Variants in RNF180 observed in about 807,000 individuals in gnomAD.
RNF180 encodes the protein E3 ubiquitin-protein ligase RNF180.
In RNF180, 38 loss-of-function variants were observed where a neutral mutation model predicts 59.2. That is an observed-to-expected ratio of 0.64 (90% CI 0.50 to 0.84). RNF180 has a LOEUF of 0.84. RNF180 is among the 40% of genes least tolerant of loss of function. The pLI, the probability that RNF180 is intolerant of heterozygous loss-of-function variation, is 0.00. For synonymous variants in RNF180, 262 were observed against 240.3 expected, an observed-to-expected ratio of 1.09 and a Z score of -0.84; for missense variants, 705 against 700.9, an observed-to-expected ratio of 1.01 and a Z score of -0.07.
chr5:64,332,548 G>A (rs1744952292), intron 7 of RNF180, among the ~76,000 whole-genome samples: 1 of 152,068 alleles, frequency 6.6e-6, no homozygotes, highest in African/African-American at 2.4e-5. Flanking sequence ...AACTAATATA[G>A]TAGTAAAGAT....
chr5:64,173,750 C>T (rs1471477497), intron 1 of RNF180, among the ~76,000 whole-genome samples: 3 of 143,388 alleles, frequency 2.1e-5, no homozygotes, highest in Non-Finnish European at 4.5e-5. Context: ...GAGTCTCATT[C>T]TGTCACCCAG....
chr5:64,272,217 A>G (rs758580018), intron 5 of RNF180, among the ~76,000 whole-genome samples: 3 of 152,106 alleles, frequency 2.0e-5, no homozygotes, highest in Non-Finnish European at 4.4e-5. Context: ...ATGAGGACAT[A>G]TAAGTAGGGG....
At chr5:64,292,186 G>A (rs1016142530) in intron 5 of RNF180, among the ~76,000 whole-genome samples, 6 of 152,176 alleles carry the variant, frequency 3.9e-5, no homozygotes, top group South Asian at 2.1e-4. Flanking sequence ...AAGGTGCTGC[G>A]GTCATTTGGA....
intron 5 of RNF180, among the ~76,000 whole-genome samples, chr5:64,292,593 C>T (rs935868895): frequency 1.3e-5 from 2 of 152,164 alleles, no homozygotes; most frequent in African/African-American, 2.4e-5. Flanking sequence ...AGGTCTCACC[C>T]AGTCACGAGG....
intron 5 of RNF180, among the ~76,000 whole-genome samples, chr5:64,229,569 G>A (rs1437982448): frequency 6.6e-6 from 1 of 152,190 alleles, no homozygotes; most frequent in East Asian, 1.9e-4. Context: ...CTAAGAATCT[G>A]TCAATGCTTT....
chr5:64,289,954 TAGTTATTTTACTTGTG>T (rs1457369565), intron 5 of RNF180, among the ~76,000 whole-genome samples: 1 of 152,202 alleles, frequency 6.6e-6, no homozygotes, highest in Non-Finnish European at 1.5e-5. Flanking sequence ...CTTGGTTCTC[TAGTTATTTTACTTGTG>T]ATGTTAGGTT....
At position 64,371,036 on chromosome 5, in the gene RNF180, G is replaced by A. The variant is rs1746643229; in HGVS notation, c.*1222G>A. The A allele has an allele frequency of 2.0e-5, 3 of 151,554 alleles. No individual in the cohort carries two copies. In the South Asian group the frequency reaches 6.2e-4, roughly 31 times the overall value. The allele number at this position is 151,554 out of a possible 1,614,324, so 9.4% of individuals were successfully genotyped here. A position where few individuals can be genotyped will look rare whatever the true frequency, so the allele number is the denominator to read the frequency against. ...CTGGGCTTTAACAGTTTCAATCTAT[G>A]AAAAGCCAAAATTTAAGCTAATTGC... is the stretch of plus-strand genomic sequence containing the variant. On this transcript the variant is annotated 3_prime_UTR_variant, in exon 8 of 8. Transcript: ENST00000389100.
chr5:64,365,419 T>C (rs1264395033), intron 7 of RNF180, among the ~76,000 whole-genome samples: 2 of 151,762 alleles, frequency 1.3e-5, no homozygotes, highest in Non-Finnish European at 2.9e-5. Context: ...TTATGTTCAA[T>C]TGTGTGGTCA....
chr5:64,203,434 C>G (rs1030783884), intron 2 of RNF180, among the ~76,000 whole-genome samples: 2 of 152,114 alleles, frequency 1.3e-5, no homozygotes, highest in Non-Finnish European at 2.9e-5. Flanking sequence ...CAATTTTGAG[C>G]TATTTTCATT....
chr5:64,266,105 T>C lies in RNF180; in HGVS notation c.1227+48709T>C, dbSNP rs184011348. The stretch of plus-strand genomic sequence containing the variant: ...GACTTTGCTGAAGTTGTTTATCAGC[T>C]TAAAGAGTTTTTGGGCTGAAACAAT... On this transcript the variant is annotated intron_variant, in intron 5 of 7. Transcript: ENST00000389100. 1.2e-4 allele frequency among the ~76,000 whole-genome samples: 18 copies of C among 152,346 alleles called. No homozygotes were observed. In the East Asian group the frequency reaches 2.7e-3, roughly 23 times the overall value.
intron 7 of RNF180, among the ~76,000 whole-genome samples, chr5:64,332,343 T>A (rs1010752388): frequency 1.3e-5 from 2 of 152,308 alleles, no homozygotes; most frequent in African/African-American, 4.8e-5. Context: ...TTAGTTTTAA[T>A]ATTTTATAGT....
chr5:64,219,519 A>G (rs1216445740), intron 5 of RNF180, among the ~76,000 whole-genome samples: 1 of 150,124 alleles, frequency 6.7e-6, no homozygotes, highest in Non-Finnish European at 1.5e-5. Context: ...TGAGGATAAC[A>G]TTTTTTTTTC....
At chr5:64,201,078 C>T in intron 2 of RNF180, 136 bp downstream of exon 2, 3 of 640,986 alleles carry the variant, frequency 4.7e-6, no homozygotes, top group Non-Finnish European at 7.6e-6. Flanking sequence ...TGTCTCTCAC[C>T]TTATTTCACC....
At chr5:64,177,589 A>T (rs991915184) in intron 1 of RNF180, among the ~76,000 whole-genome samples, 1 of 141,042 alleles carries the variant, frequency 7.1e-6, no homozygotes, top group Non-Finnish European at 1.5e-5. Flanking sequence ...TTCCTGAGTC[A>T]TACATAATAC....
intron 7 of RNF180, among the ~76,000 whole-genome samples, chr5:64,332,716 T>C (rs1179304092): frequency 6.6e-6 from 1 of 152,220 alleles, no homozygotes; most frequent in Non-Finnish European, 1.5e-5. Flanking sequence ...TTTCATCTTT[T>C]ATGAAACCGT....
intron 5 of RNF180, among the ~76,000 whole-genome samples, chr5:64,324,127 C>A (rs1580253008): frequency 1.3e-5 from 2 of 152,178 alleles, no homozygotes; most frequent in African/African-American, 4.8e-5. Context: ...AAAAGCATCA[C>A]CAAACTTCTA....
chr5:64,183,642 T>G (rs561538764), intron 1 of RNF180, among the ~76,000 whole-genome samples: 1 of 152,196 alleles, frequency 6.6e-6, no homozygotes, highest in Non-Finnish European at 1.5e-5. Flanking sequence ...GAGATAAGGT[T>G]TCACCTTCTT....
intron 7 of RNF180, among the ~76,000 whole-genome samples, chr5:64,363,605 T>A (rs1482580517): frequency 6.6e-6 from 1 of 151,838 alleles, no homozygotes; most frequent in African/African-American, 2.4e-5. Flanking sequence ...TTAAAGTAGT[T>A]TTCTCTAGTT....
chr5:64,346,132 C>T (rs1226215687), intron 7 of RNF180, among the ~76,000 whole-genome samples: 1 of 151,876 alleles, frequency 6.6e-6, no homozygotes, highest in Non-Finnish European at 1.5e-5. Context: ...TCTAAAATTT[C>T]AGGAATTGGG....
Sources: gnomAD v4.1 joint callset for allele counts (sites outside exome capture counted in the v4.1 genomes callset) on GRCh38, gnomAD v4.1.1 for gene constraint, MANE v1.5 for transcripts, NCBI Gene and HGNC (gene_info 2026-07-23, HGNC 2026-07-21) for gene names.